Variants in SLC27A3 observed in about 807,000 individuals in gnomAD.
SLC27A3 encodes solute carrier family 27 member 3.
SLC27A3 carries 60 observed loss-of-function variants against 60.1 expected under a neutral mutation model. That is an observed-to-expected ratio of 1.00 (90% CI 0.81 to 1.24). The LOEUF (loss-of-function observed/expected upper bound fraction) is 1.24, where lower values mean the gene tolerates loss of function less well. Among genes scored for constraint, SLC27A3 ranks in the 50% most tolerant of loss-of-function variants. The pLI is 0.00. For synonymous variants in SLC27A3, 455 were observed against 409.0 expected (o/e 1.11, Z -1.36); for missense variants, 1,079 against 929.9 (o/e 1.16, Z -2.09).
chr1:153,775,833 C>T lies in SLC27A3; in HGVS notation c.336C>T (p.Gly112=). The change falls in exon 1 of 10, where the codon GGC becomes GGT. Residue 112 remains glycine, a synonymous_variant. Transcript: ENST00000624995. ...RAARAFLRAL[G]WDWGPDGGDS... ...CACGCGCCTTCCTACGTGCGCTAGG[C>T]TGGGACTGGGGACCCGACGGCGGCG... The T allele has an allele frequency of 6.7e-7, 1 of 1,497,760 alleles. No homozygotes were observed. The highest frequency in any genetic ancestry group is 1.3e-5 in the South Asian group (1 of 75,366). 92.8% of individuals were successfully genotyped at this position (1,497,760 alleles called of 1,614,324 possible).
chr1:153,779,636 C>T (rs1558024202), intron 9 of SLC27A3, 163 bp downstream of exon 9: 13 of 948,798 alleles, frequency 1.4e-5, no homozygotes, highest in Non-Finnish European at 1.9e-5. Context: ...ACAAGCTCTT[C>T]ACCCCACTTC....
chr1:153,778,760 G>T lies in SLC27A3; in HGVS notation c.1521G>T (p.Leu507=). 6.2e-7 allele frequency: 1 copy of T among 1,614,040 alleles called. No homozygotes were observed. The highest frequency in any genetic ancestry group is 8.5e-7 in the Non-Finnish European group (1 of 1,180,020). ...TGGGCTATGCTGGCGGGCCAGAGCT[G>T]GCCCAGGGGAAGTTGCTAAAGGATG... ...PFLGYAGGPE[L]AQGKLLKDVF... The change falls in exon 7 of 10, where the codon CTG becomes CTT. Residue 507 remains leucine (L), a synonymous_variant. Transcript: ENST00000624995.
Position 153,778,310 on chromosome 1 carries a change from C to T in SLC27A3, c.1311C>T (p.Tyr437=), listed in dbSNP as rs200095853. The T allele has an allele frequency of 6.2e-7, 1 of 1,614,192 alleles. No individual in the cohort carries two copies. Among genetic ancestry groups the T allele is most frequent in the African/African-American group, 1.3e-5 (1 of 75,044 alleles). The part of the protein sequence containing the change: ...LTEGNVATIN[Y]TGQRGAVGRA... ...AGGGCAACGTGGCCACCATCAACTA[C>T]ACAGGACAGCGGGGCGCTGTGGGGC... Residue 437 remains tyrosine (Y), a synonymous_variant, in exon 5 of 10, where the codon TAC becomes TAT. Transcript: ENST00000624995.
In SLC27A3 at chr1:153,775,943, C is replaced by T. The variant is rs1673186251; in HGVS notation, c.446C>T (p.Ala149Val). 2 of 1,449,306 alleles carry T rather than the reference C, an allele frequency of 1.4e-6. No individual in the cohort carries two copies. Among genetic ancestry groups the T allele is most frequent in the African/African-American group, 1.5e-5 (1 of 67,034 alleles). 89.8% of individuals were successfully genotyped at this position (1,449,306 alleles called of 1,614,324 possible). The change falls in exon 1 of 10, where the codon GCC (alanine) becomes GTC (valine). Residue 149 changes from alanine (A) to valine (V), a missense_variant. By Grantham distance (64) the Ala-to-Val change is moderately conservative (BLOSUM62 0). Coordinates refer to ENST00000624995, the MANE Select transcript of SLC27A3 (RefSeq NM_024330.4). ...DAAAGSGAEF[A>V]GGDGAARGGG... ...GCGGCCGGAAGCGGCGCGGAGTTTG[C>T]CGGAGGGGACGGTGCCGCCAGAGGT... is the stretch of plus-strand genomic sequence containing the variant.
chr1:153,779,717 C>G (rs182630055), intron 9 of SLC27A3, 109 bp from the exon 10 acceptor site: 299 of 1,141,574 alleles, frequency 2.6e-4, no homozygotes, highest in Non-Finnish European at 3.4e-4. Flanking sequence ...AAACCTTGAC[C>G]TCACACTCCC....
Position 153,778,326 on chromosome 1 carries a change from G to T in SLC27A3, c.1327G>T (p.Ala443Ser), listed in dbSNP as rs150774960. ...ATINYTGQRG[A>S]VGRASWLYKH... ...CATCAACTACACAGGACAGCGGGGC[G>T]CTGTGGGGCGTGCTTCCTGGCTTTA... The change falls in exon 5 of 10, where the codon GCT becomes TCT. Residue 443 changes from alanine (A) to serine (S), a missense_variant. Ala to Ser is a moderately conservative substitution (Grantham distance 99, BLOSUM62 1). Transcript: ENST00000624995. 1.2e-6 allele frequency: 2 copies of T among 1,614,120 alleles called. No individual in the cohort carries two copies. Among genetic ancestry groups the T allele is most frequent in the Non-Finnish European group, 1.7e-6 (2 of 1,179,992 alleles).
rs1026577555 is a variant in SLC27A3 at position 153,778,823 on chromosome 1, C to T, written c.1584C>T (p.Asp528=). Reference sequence around the variant, plus strand: ...GGGATGTTTTCTTCAACACTGGGGACCTGCTGGTCTGCGATGACCAAGGTT... The same window carrying T: ...GGGATGTTTTCTTCAACACTGGGGATCTGCTGGTCTGCGATGACCAAGGTT... ...RPGDVFFNTG[D]LLVCDDQGFL... is the part of the protein sequence containing the mutation. The change falls in exon 7 of 10, where the codon GAC becomes GAT. Residue 528 remains aspartate, a synonymous_variant. Transcript: ENST00000624995. 4.3e-6 allele frequency: 7 copies of T among 1,614,052 alleles called. No homozygotes were observed. In the Admixed American group the frequency reaches 6.7e-5, roughly 15 times the overall value.
Position 153,779,384 on chromosome 1 carries a change from C to A in SLC27A3, c.1786C>A (p.Pro596Thr), listed in dbSNP as rs775914465. 3.7e-6 allele frequency: 6 copies of A among 1,611,660 alleles called. No individual in the cohort carries two copies. Among genetic ancestry groups the A allele is most frequent in the South Asian group, 3.3e-5 (3 of 90,794 alleles). The change falls in exon 9 of 10, where the codon CCC becomes ACC. Residue 596 changes from proline to threonine, a missense_variant. Coordinates refer to ENST00000624995, the MANE Select transcript of SLC27A3 (RefSeq NM_024330.4). The stretch of plus-strand genomic sequence containing the variant: ...TGGAATGGCAGCCCTAGTTCTGCGT[C>A]CCCCCCACGCTTTGGACCTTATGCA... ...RAGMAALVLR[P>T]PHALDLMQLY...
chr1:153,779,662 C>A, intron 9 of SLC27A3, 164 bp from the exon 10 acceptor site: 2 of 907,050 alleles, frequency 2.2e-6, no homozygotes, highest in Non-Finnish European at 3.3e-6. Flanking sequence ...TTATCCCTGC[C>A]TTCTTCTGGC....
chr1:153,780,054 G>T lies in SLC27A3; in HGVS notation c.*52G>T, dbSNP rs757501953. The T allele has an allele frequency of 4.6e-6, 7 of 1,518,002 alleles. No individual in the cohort carries two copies. Among genetic ancestry groups the T allele is most frequent in the Non-Finnish European group, 6.3e-6 (7 of 1,115,010 alleles). 94.0% of individuals were successfully genotyped at this position (1,518,002 alleles called of 1,614,324 possible). ...AGAGGAACTCTGTGGGGTGGGGGCC[G>T]TTGCAGGTGTACTGGGCTGTCAGGG... On this transcript the variant is annotated 3_prime_UTR_variant, in exon 10 of 10. Transcript: ENST00000624995.
At position 153,777,183 on chromosome 1, in the gene SLC27A3, C is replaced by T. The variant is rs199508780; in HGVS notation, c.999C>T (p.Ser333=). 2.6e-4 allele frequency: 423 copies of T among 1,614,248 alleles called. 3 individuals carry two copies. The highest frequency in any genetic ancestry group is 2.1e-3 in the South Asian group (193 of 91,088). Residue 333 remains serine, a synonymous_variant, in exon 3 of 10, where the codon TCC becomes TCT. Transcript: ENST00000624995. The stretch of plus-strand genomic sequence containing the variant: ...TCGCCCTCCCACTCTACCACATGTC[C>T]GGTTCCCTGCTGGGCATCGTGGGCT... The part of the protein sequence containing the change: ...IYLALPLYHM[S]GSLLGIVGCM...
Position 153,775,809 on chromosome 1 carries a change from ACGCGCCTTCCTACGTG to A in SLC27A3, c.316_331del (p.Ala106Ter). On this transcript the variant is annotated frameshift_variant, in exon 1 of 10. Coordinates refer to ENST00000624995, the MANE Select transcript of SLC27A3 (RefSeq NM_024330.4). LOFTEE classifies it high-confidence loss of function. ...CGGAGCGCGAGAGTAACAGGGCTGCACGCGCCTTCCTACGTGCGCTAGGCTGGGACTGGGGACCCGA... is the reference window on the plus strand; with the variant it reads ...CGGAGCGCGAGAGTAACAGGGCTGCACGCTAGGCTGGGACTGGGGACCCGA... 1.3e-6 allele frequency: 2 copies of A among 1,496,950 alleles called. No individual in the cohort carries two copies. Among genetic ancestry groups the A allele is most frequent in the Non-Finnish European group, 1.8e-6 (2 of 1,127,646 alleles). The allele number at this position is 1,496,950 out of a possible 1,614,324, so 92.7% of individuals were successfully genotyped here.
At position 153,776,501 on chromosome 1, in the gene SLC27A3, C is replaced by T; in HGVS notation, c.668-17C>T. ...GTAGAGCCAGGGCCCCGGCGTTGTGCTTTCCCACCCTTCTAGAGTTTCTGG... is the reference window on the plus strand; with the variant it reads ...GTAGAGCCAGGGCCCCGGCGTTGTGTTTTCCCACCCTTCTAGAGTTTCTGG... On this transcript the variant is annotated splice_polypyrimidine_tract_variant and intron_variant, in intron 1 of 9. Transcript: ENST00000624995. 6.2e-7 allele frequency: 1 copy of T among 1,608,524 alleles called. No homozygotes were observed. The highest frequency in any genetic ancestry group is 1.3e-5 in the African/African-American group (1 of 74,798).
chr1:153,775,683 G>T lies in SLC27A3; in HGVS notation c.186G>T (p.Glu62Asp). The stretch of plus-strand genomic sequence containing the variant: ...CTGCCGCCGACCCGGAAGGTCCCGA[G>T]GGGGGCTGCAGCCTGGCCTGGCGCC... ...AAAAADPEGPEGGCSLAWRLA... is the reference protein window; with the variant it reads ...AAAAADPEGPDGGCSLAWRLA... Residue 62 changes from glutamate to aspartate, a missense_variant, in exon 1 of 10, where the codon GAG becomes GAT. Transcript: ENST00000624995. 6.5e-7 allele frequency: 1 copy of T among 1,536,652 alleles called. No individual in the cohort carries two copies. Among genetic ancestry groups the T allele is most frequent in the Non-Finnish European group, 8.7e-7 (1 of 1,144,206 alleles).
At chr1:153,779,289 G>A in intron 8 of SLC27A3, 54 bp from the exon 9 acceptor site, 1 of 1,613,782 alleles carries the variant, frequency 6.2e-7, no homozygotes, top group South Asian at 1.1e-5. Flanking sequence ...GGAGCACGAG[G>A]CCTTCGTGGT....
intron 9 of SLC27A3, 67 bp from the exon 10 acceptor site, chr1:153,779,759 G>C: frequency 6.8e-7 from 1 of 1,477,010 alleles, no homozygotes; most frequent in South Asian, 1.2e-5. Flanking sequence ...ACAAAATTCA[G>C]GCAACTCCCC....
At chr1:153,779,317 C>T (rs199925009) in intron 8 of SLC27A3, 26 bp from the exon 9 acceptor site, 12 of 1,613,362 alleles carry the variant, frequency 7.4e-6, no homozygotes, top group Middle Eastern at 1.7e-4. Flanking sequence ...CATGGAGGGG[C>T]TTACTCTGTC....
In SLC27A3 at chr1:153,775,842, G is replaced by C. The variant is rs1673173636; in HGVS notation, c.345G>C (p.Trp115Cys). The C allele has an allele frequency of 2.7e-6, 4 of 1,493,744 alleles. No homozygotes were observed. The highest frequency in any genetic ancestry group is 2.7e-6 in the Non-Finnish European group (3 of 1,126,264). The allele number at this position is 1,493,744 out of a possible 1,614,324, so 92.5% of individuals were successfully genotyped here. Residue 115 changes from tryptophan to cysteine, a missense_variant, in exon 1 of 10, where the codon TGG becomes TGC. Physicochemically the swap from Trp to Cys is radical, Grantham distance 215 (BLOSUM62 -2). Coordinates refer to ENST00000624995, the MANE Select transcript of SLC27A3 (RefSeq NM_024330.4). ...RAFLRALGWD[W>C]GPDGGDSGEG... ...TCCTACGTGCGCTAGGCTGGGACTG[G>C]GGACCCGACGGCGGCGACAGCGGCG... is the stretch of plus-strand genomic sequence containing the variant.
chr1:153,775,672 GA>G lies in SLC27A3; in HGVS notation c.177del (p.Gly60ValfsTer52). ...CCTGGCCGCGGCTGCCGCCGACCCG[GA>G]AGGTCCCGAGGGGGGCTGCAGCCTG... ...RALAAAAADPEGPEGGCSLAW... is the reference protein window; with the variant it reads ...RALAAAAADPXGPEGGCSLAW... On this transcript the variant is annotated frameshift_variant, in exon 1 of 10. Transcript: ENST00000624995. LOFTEE classifies it high-confidence loss of function. 1 of 1,536,580 alleles carries G rather than the reference GA, an allele frequency of 6.5e-7. No homozygotes were observed. The highest frequency in any genetic ancestry group is 8.8e-7 in the Non-Finnish European group (1 of 1,142,702).
Sources: gnomAD v4.1 joint callset for allele counts on GRCh38, gnomAD v4.1.1 for gene constraint, MANE v1.5 for transcripts, NCBI Gene and HGNC (gene_info 2026-07-23, HGNC 2026-07-21) for gene names.